MED12L: variants seen among roughly 807,000 people sequenced by gnomAD.
MED12L encodes mediator complex subunit 12L.
MED12L carries 60 observed loss-of-function variants against 281.3 expected under a neutral mutation model. The ratio of observed to expected loss-of-function variants is 0.21; its 90% CI spans 0.17 to 0.26. The LOEUF (loss-of-function observed/expected upper bound fraction) is 0.26. MED12L is among the 10% of genes least tolerant of loss of function. The pLI, the probability that MED12L is intolerant of heterozygous loss-of-function variation, is 1.00. For synonymous variants in MED12L, 974 were observed against 987.2 expected (o/e 0.99, Z 0.25); for missense variants, 2,146 against 2,680.9 (o/e 0.80, Z 4.41).
rs59669423 is a variant in MED12L, at chr3:151,191,222, C to A, written c.1968+291C>A. 2.3e-3 allele frequency among the ~76,000 whole-genome samples: 343 copies of A among 152,164 alleles called. 2 individuals are homozygous for A. The highest frequency in any genetic ancestry group is 7.7e-3 in the African/African-American group (318 of 41,482). On this transcript the variant is annotated intron_variant, in intron 14 of 44. Transcript: ENST00000687756. ...ACTTTCAGTTCTAGATGTTTCTAAT[C>A]TCTAGTTTTTCTTTAACATTGTGTC...
rs140551771 is a variant in MED12L at position 151,214,298 on chromosome 3, T to G, written c.2250+20632T>G. ...GAGCAGGATTCATCTGGAGGCTGTG[T>G]GGAGGTTGAATTGATCATCTTGTAA... On this transcript the variant is annotated intron_variant, in intron 16 of 44. Transcript: ENST00000687756. 71 of 1,613,346 alleles carry G rather than the reference T, an allele frequency of 4.4e-5. 1 individual carries two copies. The African/African-American group carries it at 8.9e-4, about 20-fold the overall frequency.
At chr3:151,178,157 CAAAAAAAAA>C (rs10572929) in intron 11 of MED12L, among the ~76,000 whole-genome samples, 587 of 49,182 alleles carry the variant, frequency 0.012, 4 homozygotes, top group Admixed American at 0.023. Context: ...GACTTGGTCT[CAAAAAAAAA>C]AAAAAAAAAA....
At chr3:151,293,592 C>T (rs1559991720) in intron 16 of MED12L, among the ~76,000 whole-genome samples, 1 of 81,822 alleles carries the variant, frequency 1.2e-5, no homozygotes, top group Admixed American at 1.3e-4. Context: ...CACACACACA[C>T]ACACACACAC....
chr3:151,206,579 C>CT (rs566966326), intron 16 of MED12L, among the ~76,000 whole-genome samples: 9 of 140,978 alleles, frequency 6.4e-5, no homozygotes, highest in African/African-American at 1.1e-4. Context: ...GAATTTCATG[C>CT]TTTTTTTCCC....
intron 2 of MED12L, among the ~76,000 whole-genome samples, chr3:151,113,733 T>TA (rs1490611376): frequency 6.6e-6 from 1 of 152,214 alleles, no homozygotes; most frequent in East Asian, 1.9e-4. Flanking sequence ...AGATGACAGA[T>TA]ATGTATCCAT....
chr3:151,161,355 G>A (rs920706401), intron 8 of MED12L, among the ~76,000 whole-genome samples: 3 of 152,248 alleles, frequency 2.0e-5, no homozygotes, highest in Middle Eastern at 3.4e-3. Flanking sequence ...GTGTGGATTC[G>A]AATCCTTCAA....
chr3:151,376,722 G>C (rs1472453171), intron 28 of MED12L, 78 bp from the exon 29 acceptor site: 1 of 1,172,590 alleles, frequency 8.5e-7, no homozygotes, highest in Non-Finnish European at 1.3e-6. Flanking sequence ...TTTCTTGAGA[G>C]AAGGAGTACT....
intron 5 of MED12L, 146 bp from the exon 6 acceptor site, chr3:151,156,015 C>A: frequency 1.5e-6 from 1 of 659,234 alleles, no homozygotes. Context: ...TTTCTGAGCA[C>A]TGCTTGTACA....
At chr3:151,226,673 G>GT (rs1335218060) in intron 16 of MED12L, among the ~76,000 whole-genome samples, 1 of 151,946 alleles carries the variant, frequency 6.6e-6, no homozygotes, top group Admixed American at 6.5e-5. Context: ...TATTATTTTT[G>GT]TTTTTGATCT....
chr3:151,330,651 G>A (rs1184594633), intron 16 of MED12L, among the ~76,000 whole-genome samples: 1 of 152,110 alleles, frequency 6.6e-6, no homozygotes, highest in Non-Finnish European at 1.5e-5. Context: ...AAAGTTTTGG[G>A]TGACTTGGCT....
At chr3:151,267,092 T>G (rs1282892012) in intron 16 of MED12L, among the ~76,000 whole-genome samples, 1 of 152,256 alleles carries the variant, frequency 6.6e-6, no homozygotes, top group Non-Finnish European at 1.5e-5. Context: ...AGTTCATTTC[T>G]TGCGTGTTAG....
chr3:151,235,692 CAAATAAATAAATAAAT>C (rs139535921), intron 16 of MED12L, among the ~76,000 whole-genome samples: 1 of 148,968 alleles, frequency 6.7e-6, no homozygotes, highest in Non-Finnish European at 1.5e-5. Context: ...GACTCCATCT[CAAATAAATAAATAAAT>C]AAATAAATAA....
Position 151,355,924 on chromosome 3 carries a change from C to A in MED12L, c.2546C>A (p.Thr849Lys). ...TCTAACAATGTGCTAGAACAAATCA[C>A]AAGCTTTGCGTCAGGAACATCCTAT... ...QISNNVLEQI[T>K]SFASGTSYHL... Residue 849 changes from threonine (T) to lysine (K), a missense_variant, in exon 19 of 45, where the codon ACA (threonine) becomes AAA (lysine). By Grantham distance (78) the Thr-to-Lys change is moderately conservative. This residue lies in a region of MED12L where 404 missense variants were observed against 603.5 expected (regional missense o/e 0.67). Coordinates refer to ENST00000687756, the MANE Select transcript of MED12L (RefSeq NM_001393769.1). The A allele has an allele frequency of 1.9e-6, 3 of 1,613,836 alleles. No homozygotes were observed. Among genetic ancestry groups the A allele is most frequent in the Non-Finnish European group, 2.5e-6 (3 of 1,179,934 alleles).
intron 2 of MED12L, among the ~76,000 whole-genome samples, chr3:151,100,787 A>G (rs1485079192): frequency 6.6e-6 from 1 of 152,138 alleles, no homozygotes; most frequent in Non-Finnish European, 1.5e-5. Flanking sequence ...CTTTTAAGTT[A>G]TTGACTAATT....
chr3:151,158,778 C>G lies in MED12L; in HGVS notation c.816C>G (p.Leu272=). The change falls in exon 7 of 45, where the codon CTC becomes CTG. Residue 272 remains leucine, a synonymous_variant. Coordinates refer to ENST00000687756, the MANE Select transcript of MED12L (RefSeq NM_001393769.1). Reference sequence around the variant, plus strand: ...CAATGGATGATGATCTTCTTAAACTCTTGCTACCACTAATGCTGCAGGTAT... The same window carrying G: ...CAATGGATGATGATCTTCTTAAACTGTTGCTACCACTAATGCTGCAGGTAT... ...IRPMDDDLLK[L]LLPLMLQYSD... The G allele has an allele frequency of 6.2e-7, 1 of 1,610,782 alleles. No individual in the cohort carries two copies. The highest frequency in any genetic ancestry group is 8.5e-7 in the Non-Finnish European group (1 of 1,177,442).
chr3:151,267,527 T>C (rs1026569993), intron 16 of MED12L, among the ~76,000 whole-genome samples: 2 of 152,178 alleles, frequency 1.3e-5, no homozygotes, highest in Non-Finnish European at 2.9e-5. Flanking sequence ...AAGTGCAAGC[T>C]ACAAATGAGA....
In MED12L at chr3:151,248,626, G is replaced by A. The variant is rs555116240; in HGVS notation, c.2250+54960G>A. Among the ~76,000 whole-genome samples the A allele has an allele frequency of 7.9e-5, 12 of 152,156 alleles. No individual in the cohort carries two copies. In the South Asian group the frequency reaches 1.2e-3, roughly 16 times the overall value. Reference sequence around the variant, plus strand: ...AAATAGGAATTTCCTAATGCCTAATGTACAAGCCCCATGAAAGGAAATCAT... The same window carrying A: ...AAATAGGAATTTCCTAATGCCTAATATACAAGCCCCATGAAAGGAAATCAT... On this transcript the variant is annotated intron_variant, in intron 16 of 44. Transcript: ENST00000687756.
intron 22 of MED12L, among the ~76,000 whole-genome samples, chr3:151,365,543 A>G (rs768519924): frequency 3.9e-5 from 6 of 152,236 alleles, no homozygotes; most frequent in Admixed American, 6.5e-5. Context: ...CATGATGTCT[A>G]TAAATTTTTT....
At chr3:151,336,887 A>G (rs1363367541) in intron 16 of MED12L, 1 of 170,920 alleles carries the variant, frequency 5.9e-6, no homozygotes, top group African/African-American at 2.4e-5. Context: ...ATACACACCA[A>G]TACAAACAAG....
Sources: allele counts gnomAD v4.1 joint callset (sites outside exome capture counted in the v4.1 genomes callset), GRCh38; gene constraint gnomAD v4.1.1; regional missense constraint gnomAD v4.1.1; transcripts MANE v1.5; gene names NCBI Gene and HGNC (gene_info 2026-07-23, HGNC 2026-07-21).